COL13A1: variants seen among roughly 807,000 people sequenced by gnomAD.
COL13A1 encodes the protein collagen type XIII alpha 1 chain, also known as collagen alpha-1(XIII) chain.
COL13A1 carries 89 observed loss-of-function variants against 130.9 expected under a neutral mutation model. That is an observed-to-expected ratio of 0.68 (90% CI 0.57 to 0.81). The LOEUF (loss-of-function observed/expected upper bound fraction) is 0.81. COL13A1 is among the 30% of genes least tolerant of loss of function. The pLI is 0.00. For synonymous variants in COL13A1, 402 were observed against 341.6 expected, an observed-to-expected ratio of 1.18 and a Z score of -1.95; for missense variants, 879 against 934.6, an observed-to-expected ratio of 0.94 and a Z score of 0.78.
intron 1 of COL13A1, among the ~76,000 whole-genome samples, chr10:69,803,402 C>T (rs952134813): frequency 6.6e-6 from 1 of 152,236 alleles, no homozygotes; most frequent in Admixed American, 6.5e-5. Context: ...ACTAGCGTGT[C>T]AGGTAGCTAT....
At chr10:69,924,470 TC>T (rs2065085833) in intron 24 of COL13A1, among the ~76,000 whole-genome samples, 1 of 152,044 alleles carries the variant, frequency 6.6e-6, no homozygotes. Context: ...TACACCCATG[TC>T]CTCCTGAGAC....
chr10:69,804,415 G>A (rs913322349), intron 1 of COL13A1, among the ~76,000 whole-genome samples: 7 of 152,038 alleles, frequency 4.6e-5, no homozygotes, highest in Non-Finnish European at 7.4e-5. Flanking sequence ...GGGCCTTGGG[G>A]CTAACTATTG....
chr10:69,828,401 C>A (rs1215113880), intron 2 of COL13A1, among the ~76,000 whole-genome samples: 2 of 152,168 alleles, frequency 1.3e-5, no homozygotes, highest in Non-Finnish European at 2.9e-5. Flanking sequence ...TGCACTCCAT[C>A]AGCCAGGTTC....
intron 2 of COL13A1, chr10:69,824,243 T>G (rs1589257120): frequency 2.3e-6 from 1 of 439,976 alleles, no homozygotes; most frequent in East Asian, 7.1e-5. Context: ...GTAAGCATGA[T>G]TATGATTATT....
At chr10:69,866,722 C>A (rs1443509278) in intron 2 of COL13A1, among the ~76,000 whole-genome samples, 1 of 152,104 alleles carries the variant, frequency 6.6e-6, no homozygotes, top group Non-Finnish European at 1.5e-5. Flanking sequence ...TTGACAGAGG[C>A]CAGCATGAAA....
chr10:69,835,466 C>A (rs1849802939), intron 2 of COL13A1, among the ~76,000 whole-genome samples: 1 of 152,126 alleles, frequency 6.6e-6, no homozygotes, highest in African/African-American at 2.4e-5. Flanking sequence ...CCCTGTTACT[C>A]CCTGGCAAGT....
chr10:69,803,187 G>A (rs368677846), intron 1 of COL13A1, among the ~76,000 whole-genome samples: 1 of 152,198 alleles, frequency 6.6e-6, no homozygotes. Flanking sequence ...CGGGGAGAGG[G>A]GACAGTTCTT....
chr10:69,925,942 G>T, intron 26 of COL13A1, 70 bp downstream of exon 26: 1 of 1,354,164 alleles, frequency 7.4e-7, no homozygotes, highest in Non-Finnish European at 1.0e-6. Context: ...CCTGATCAGG[G>T]GGCCCTTCCA....
chr10:69,937,462 T>C (rs886358507), intron 33 of COL13A1, among the ~76,000 whole-genome samples, 173 bp from the exon 34 acceptor site: 1 of 152,156 alleles, frequency 6.6e-6, no homozygotes, highest in Non-Finnish European at 1.5e-5. Flanking sequence ...CAGGGGCTAC[T>C]AACTGAGGCG....
At chr10:69,916,164 T>C (rs1165728242) in intron 17 of COL13A1, among the ~76,000 whole-genome samples, 1 of 152,154 alleles carries the variant, frequency 6.6e-6, no homozygotes, top group Non-Finnish European at 1.5e-5. Flanking sequence ...TGTGGACAGC[T>C]GAGAAGGAAG....
At chr10:69,887,663 G>C (rs1313900323) in intron 8 of COL13A1, among the ~76,000 whole-genome samples, 172 bp downstream of exon 8, 1 of 152,198 alleles carries the variant, frequency 6.6e-6, no homozygotes, top group African/African-American at 2.4e-5. Context: ...TAGCTCAGCA[G>C]TCAGGTCATG....
chr10:69,823,606 C>A (rs908706282), intron 2 of COL13A1, among the ~76,000 whole-genome samples: 1 of 152,186 alleles, frequency 6.6e-6, no homozygotes, highest in Admixed American at 6.5e-5. Context: ...GGAAGAGAGG[C>A]TGACAGATGT....
At chr10:69,917,239 C>G (rs765156594) in intron 17 of COL13A1, 50 bp from the exon 18 acceptor site, 1 of 1,608,150 alleles carries the variant, frequency 6.2e-7, no homozygotes. Flanking sequence ...TGCAGGCTGA[C>G]AGGCCCCGAG....
intron 2 of COL13A1, among the ~76,000 whole-genome samples, chr10:69,854,617 G>C (rs1855884312): frequency 6.6e-6 from 1 of 151,788 alleles, no homozygotes; most frequent in Non-Finnish European, 1.5e-5. Flanking sequence ...TCTGGTTAGA[G>C]GTTCTACATC....
chr10:69,948,918 T>C (rs2068955101), intron 38 of COL13A1, among the ~76,000 whole-genome samples: 1 of 152,216 alleles, frequency 6.6e-6, no homozygotes, highest in Non-Finnish European at 1.5e-5. Context: ...AGTATTTCTA[T>C]TCCCCTTCCC....
chr10:69,861,867 C>A (rs1165787139), intron 2 of COL13A1, among the ~76,000 whole-genome samples: 1 of 152,180 alleles, frequency 6.6e-6, no homozygotes, highest in Non-Finnish European at 1.5e-5. Context: ...ACCTGTTATA[C>A]CCCATCAACC....
intron 1 of COL13A1, among the ~76,000 whole-genome samples, chr10:69,809,941 G>C (rs1299745020): frequency 1.3e-5 from 2 of 152,176 alleles, no homozygotes; most frequent in African/African-American, 2.4e-5. Context: ...AGCAAATCTA[G>C]GGTTCAGCCA....
intron 2 of COL13A1, among the ~76,000 whole-genome samples, chr10:69,861,160 G>A (rs990242737): frequency 1.3e-5 from 2 of 152,204 alleles, no homozygotes; most frequent in Non-Finnish European, 2.9e-5. Flanking sequence ...GGAAGTGAAG[G>A]GGGCACCTCC....
intron 2 of COL13A1, among the ~76,000 whole-genome samples, chr10:69,830,010 A>G (rs1480514250): frequency 6.6e-6 from 1 of 152,194 alleles, no homozygotes; most frequent in Non-Finnish European, 1.5e-5. Context: ...TGAGATTTGT[A>G]GGGAAATAAA....
Sources: gnomAD v4.1 joint callset for allele counts (sites outside exome capture counted in the v4.1 genomes callset) on GRCh38, gnomAD v4.1.1 for gene constraint, MANE v1.5 for transcripts, NCBI Gene and HGNC (gene_info 2026-07-23, HGNC 2026-07-21) for gene names.